Variants in KSR2 observed in about 807,000 individuals in gnomAD.
The protein encoded by KSR2 is kinase suppressor of ras 2.
In KSR2, 25 loss-of-function variants were observed where a neutral mutation model predicts 107.8. The observed-to-expected ratio is 0.23, with a 90% CI of 0.17 to 0.32. The LOEUF (loss-of-function observed/expected upper bound fraction) is 0.32, where lower values mean the gene tolerates loss of function less well. Among genes scored for constraint, KSR2 ranks in the 10% least tolerant of loss-of-function variants. The pLI is 1.00. For missense variants in KSR2, 887 were observed against 1,268.9 expected, an observed-to-expected ratio of 0.70 and a Z score of 4.57; for synonymous variants, 480 against 507.0, an observed-to-expected ratio of 0.95 and a Z score of 0.71.
At chr12:117,771,843 A>G (rs1345607302) in intron 3 of KSR2, among the ~76,000 whole-genome samples, 1 of 151,798 alleles carries the variant, frequency 6.6e-6, no homozygotes, top group Admixed American at 6.6e-5. Flanking sequence ...CCCCAAAGAC[A>G]CACAAACACA....
chr12:117,941,767 G>A lies in KSR2; in HGVS notation c.180+26309C>T, dbSNP rs150934609. Among the ~76,000 whole-genome samples, 1,129 of 149,310 alleles carry A rather than the reference G, an allele frequency of 7.6e-3. 23 individuals carry two copies. The highest frequency in any genetic ancestry group is 0.026 in the African/African-American group (1,063 of 40,718). On this transcript the variant is annotated intron_variant, in intron 1 of 19. Transcript: ENST00000339824. ...TCAACCTCCCAAGTAGCTGGGACTC[G>A]GGCATGTGCCACCAGGCCTGGCTAA...
At chr12:117,650,852 A>G (rs1020723517) in intron 5 of KSR2, among the ~76,000 whole-genome samples, 1 of 152,212 alleles carries the variant, frequency 6.6e-6, no homozygotes, top group Non-Finnish European at 1.5e-5. Context: ...CTGAACCTCA[A>G]ATCTACTAAG....
chr12:117,810,443 T>C (rs1891154476), intron 3 of KSR2, among the ~76,000 whole-genome samples: 1 of 152,160 alleles, frequency 6.6e-6, no homozygotes, highest in African/African-American at 2.4e-5. Context: ...CCAGAGTAAC[T>C]AGGACTTACA....
intron 1 of KSR2, among the ~76,000 whole-genome samples, chr12:117,944,980 C>A (rs1378012737): frequency 6.6e-6 from 1 of 152,060 alleles, no homozygotes; most frequent in African/African-American, 2.4e-5. Context: ...TTAAAGAGAA[C>A]TTTAAGTAAT....
intron 1 of KSR2, among the ~76,000 whole-genome samples, chr12:117,920,611 T>C (rs1895311362): frequency 6.6e-6 from 1 of 152,104 alleles, no homozygotes. Flanking sequence ...AATAGGCCCA[T>C]GGGGGAGATA....
At chr12:117,783,381 G>A (rs1889951055) in intron 3 of KSR2, among the ~76,000 whole-genome samples, 1 of 152,192 alleles carries the variant, frequency 6.6e-6, no homozygotes, top group Non-Finnish European at 1.5e-5. Context: ...GCAATCGGGT[G>A]AGGGCTTAGA....
At chr12:117,904,925 T>C (rs1353204058) in intron 1 of KSR2, among the ~76,000 whole-genome samples, 2 of 152,190 alleles carry the variant, frequency 1.3e-5, no homozygotes, top group Non-Finnish European at 2.9e-5. Flanking sequence ...CTCACACCTG[T>C]AATCCCAGCA....
intron 5 of KSR2, among the ~76,000 whole-genome samples, chr12:117,664,043 C>T (rs1190985101): frequency 6.6e-6 from 1 of 152,210 alleles, no homozygotes; most frequent in Non-Finnish European, 1.5e-5. Flanking sequence ...AAGCGTCTGA[C>T]GTCTTTCATT....
chr12:117,866,606 G>A (rs1006090733), intron 1 of KSR2, among the ~76,000 whole-genome samples: 4 of 152,176 alleles, frequency 2.6e-5, no homozygotes, highest in Non-Finnish European at 5.9e-5. Flanking sequence ...GAGGCTGGTG[G>A]ACCACCTGAG....
intron 16 of KSR2, among the ~76,000 whole-genome samples, chr12:117,479,239 G>A (rs1164710962): frequency 1.3e-5 from 2 of 152,202 alleles, no homozygotes; most frequent in African/African-American, 2.4e-5. Flanking sequence ...GCAAAGCCGG[G>A]TAACTGCGGC....
At chr12:117,590,371 T>G (rs934885606) in intron 5 of KSR2, among the ~76,000 whole-genome samples, 5 of 152,188 alleles carry the variant, frequency 3.3e-5, no homozygotes, top group Admixed American at 1.3e-4. Flanking sequence ...TGAGCACACC[T>G]GTGACAAACA....
rs997399164 is a variant in KSR2 at position 117,454,830 on chromosome 12, G to A, written c.*12369C>T. ...GGGCCCCAGAGACATCAGAGACACA[G>A]GTCGCAAGAGTCGATAGAGGGAAAG... On this transcript the variant is annotated 3_prime_UTR_variant, in exon 20 of 20. Transcript: ENST00000339824. The A allele has an allele frequency of 2.0e-5, 3 of 152,078 alleles. No individual in the cohort carries two copies. The highest frequency in any genetic ancestry group is 2.9e-5 in the Non-Finnish European group (2 of 68,076). 9.4% of individuals were successfully genotyped at this position (152,078 alleles called of 1,614,324 possible). A position where few individuals can be genotyped will look rare whatever the true frequency, so the allele number is the denominator to read the frequency against.
chr12:117,537,293 T>C (rs906479334), intron 10 of KSR2, among the ~76,000 whole-genome samples: 3 of 152,204 alleles, frequency 2.0e-5, no homozygotes, highest in African/African-American at 7.2e-5. Flanking sequence ...TTCATACTCC[T>C]ATGTCAAGGT....
At chr12:117,751,960 T>C (rs1888626807) in intron 4 of KSR2, among the ~76,000 whole-genome samples, 2 of 152,188 alleles carry the variant, frequency 1.3e-5, no homozygotes. Context: ...TATAAATATA[T>C]TAGAGATCCT....
chr12:117,826,721 C>T (rs1489986771), intron 3 of KSR2, among the ~76,000 whole-genome samples: 1 of 152,006 alleles, frequency 6.6e-6, no homozygotes, highest in Non-Finnish European at 1.5e-5. Flanking sequence ...CACACACACA[C>T]ACACACACGC....
At position 117,516,230 on chromosome 12, in the gene KSR2, A is replaced by G. The variant is rs979321220; in HGVS notation, c.2219+8622T>C. Among the ~76,000 whole-genome samples the G allele has an allele frequency of 3.9e-5, 6 of 152,140 alleles. No individual in the cohort carries two copies. The East Asian group carries it at 9.6e-4, about 24-fold the overall frequency. On this transcript the variant is annotated intron_variant, in intron 14 of 19. Coordinates refer to ENST00000339824, the MANE Select transcript of KSR2 (RefSeq NM_173598.6). ...CCATGTCTATGCAGATGACTCATAC[A>G]TGGTTATTTCTAGTCCCAACCTTTC...
intron 7 of KSR2, among the ~76,000 whole-genome samples, chr12:117,560,611 T>C (rs1878045411): frequency 6.6e-6 from 1 of 152,232 alleles, no homozygotes; most frequent in Non-Finnish European, 1.5e-5. Flanking sequence ...TTTGAAAATT[T>C]ATTTTTTCCA....
intron 1 of KSR2, among the ~76,000 whole-genome samples, chr12:117,967,389 T>C (rs1423293146): frequency 3.3e-5 from 5 of 152,186 alleles, no homozygotes; most frequent in East Asian, 1.9e-4. Context: ...TGTGTGCTGA[T>C]TGAGGCATAT....
chr12:117,819,939 T>G (rs1390158091), intron 3 of KSR2, among the ~76,000 whole-genome samples: 1 of 152,176 alleles, frequency 6.6e-6, no homozygotes, highest in Non-Finnish European at 1.5e-5. Flanking sequence ...GAAAAAAGCC[T>G]AAAAGGTTTT....
Sources: gnomAD v4.1 joint callset for allele counts (sites outside exome capture counted in the v4.1 genomes callset) on GRCh38, gnomAD v4.1.1 for gene constraint, MANE v1.5 for transcripts, NCBI Gene and HGNC (gene_info 2026-07-23, HGNC 2026-07-21) for gene names.